The following PPM1H variants were observed in gnomAD, a reference collection of about 807,000 sequenced individuals.
The protein encoded by PPM1H is protein phosphatase, Mg2+/Mn2+ dependent 1H.
Under a neutral mutation model 54.9 loss-of-function variants are expected in PPM1H, and 27 were observed. That is an observed-to-expected ratio of 0.49 (90% CI 0.36 to 0.68). The LOEUF is 0.68. PPM1H is among the 30% of genes least tolerant of loss of function. The pLI is 0.00. For missense variants in PPM1H, 596 were observed against 667.8 expected (o/e 0.89, Z 1.19); for synonymous variants, 305 against 270.8 (o/e 1.13, Z -1.24).
At chr12:62,838,334 T>TGGG (rs1390428033) in intron 1 of PPM1H, among the ~76,000 whole-genome samples, 19 of 94,376 alleles carry the variant, frequency 2.0e-4, no homozygotes, top group Admixed American at 2.9e-4. Context: ...AGTGTGTGTG[T>TGGG]GTGTGGGGGG....
intron 7 of PPM1H, among the ~76,000 whole-genome samples, chr12:62,693,612 G>T (rs1235463538): frequency 2.0e-5 from 3 of 152,228 alleles, no homozygotes; most frequent in Non-Finnish European, 4.4e-5. Context: ...CTTGCTCGTT[G>T]TCAGATATAA....
chr12:62,717,652 C>T (rs2076242890), intron 6 of PPM1H, among the ~76,000 whole-genome samples: 1 of 151,340 alleles, frequency 6.6e-6, no homozygotes, highest in East Asian at 1.9e-4. Flanking sequence ...AATGTACAAG[C>T]CACTAAAAAC....
chr12:62,926,876 C>T (rs1028076552), intron 1 of PPM1H, among the ~76,000 whole-genome samples: 9 of 152,178 alleles, frequency 5.9e-5, no homozygotes, highest in African/African-American at 2.2e-4. Context: ...ACTGCTTGCA[C>T]CCGGGAGGCG....
intron 5 of PPM1H, among the ~76,000 whole-genome samples, chr12:62,725,525 T>C (rs1391786812): frequency 6.6e-6 from 1 of 152,206 alleles, no homozygotes; most frequent in Admixed American, 6.5e-5. Context: ...CTTTATCCAA[T>C]TATATTTCTC....
chr12:62,862,820 C>T (rs1402171440), intron 1 of PPM1H, among the ~76,000 whole-genome samples: 2 of 152,268 alleles, frequency 1.3e-5, no homozygotes, highest in Non-Finnish European at 2.9e-5. Flanking sequence ...TATAGTAAAA[C>T]ACCAATTTAT....
intron 1 of PPM1H, among the ~76,000 whole-genome samples, chr12:62,930,439 C>T (rs542683734): frequency 3.3e-5 from 5 of 152,144 alleles, no homozygotes; most frequent in African/African-American, 1.2e-4. Context: ...CTGATAAAAA[C>T]CTGAATATGA....
chr12:62,823,201 T>A (rs1381051713), intron 2 of PPM1H, among the ~76,000 whole-genome samples: 2 of 152,104 alleles, frequency 1.3e-5, no homozygotes, highest in African/African-American at 4.8e-5. Context: ...TGGGAAGAAG[T>A]TGACTCTCTG....
At chr12:62,822,311 A>T (rs1219015409) in intron 2 of PPM1H, among the ~76,000 whole-genome samples, 3 of 152,206 alleles carry the variant, frequency 2.0e-5, no homozygotes, top group Admixed American at 6.5e-5. Flanking sequence ...ATAATGGGAG[A>T]CTTTAACACC....
intron 2 of PPM1H, among the ~76,000 whole-genome samples, chr12:62,829,858 T>C (rs1420546145): frequency 1.3e-5 from 2 of 152,266 alleles, no homozygotes; most frequent in Non-Finnish European, 2.9e-5. Context: ...CAACACTGAC[T>C]GATTTTTACA....
At chr12:62,928,741 T>A (rs1872046835) in intron 1 of PPM1H, among the ~76,000 whole-genome samples, 1 of 152,228 alleles carries the variant, frequency 6.6e-6, no homozygotes, top group Admixed American at 6.5e-5. Flanking sequence ...TACAAGTCTT[T>A]GGTCTGCTTT....
At chr12:62,683,057 ATTATTATTATTAT>A (rs2076030885) in intron 8 of PPM1H, among the ~76,000 whole-genome samples, 1 of 144,708 alleles carries the variant, frequency 6.9e-6, no homozygotes, top group Non-Finnish European at 1.5e-5. Context: ...TATTATTATT[ATTATTATTATTAT>A]TATTATTATT....
rs1179879476 is a variant in PPM1H, at chr12:62,844,381, T to C, written c.246-12102A>G. 6.6e-6 allele frequency among the ~76,000 whole-genome samples: 1 copy of C among 152,158 alleles called. No homozygotes were observed. Among genetic ancestry groups the C allele is most frequent in the Non-Finnish European group, 1.5e-5 (1 of 68,026 alleles). ...AATGTTCTGAGGGGCAAGGGGGGCGTCTTATCTCTGATGCTGCTTCTTCAT... is the reference window on the plus strand; with the variant it reads ...AATGTTCTGAGGGGCAAGGGGGGCGCCTTATCTCTGATGCTGCTTCTTCAT... On this transcript the variant is annotated intron_variant, in intron 1 of 9. Transcript: ENST00000228705. This position sits in a 1 kb window ranked among gnomAD's most constrained non-coding sequence, Gnocchi z 5.2.
At chr12:62,721,997 G>A (rs2076266743) in intron 5 of PPM1H, among the ~76,000 whole-genome samples, 1 of 152,094 alleles carries the variant, frequency 6.6e-6, no homozygotes. Flanking sequence ...GAAACAGGGA[G>A]CCTGTGTTCA....
At chr12:62,830,682 A>G (rs1045568105) in intron 2 of PPM1H, among the ~76,000 whole-genome samples, 5 of 152,132 alleles carry the variant, frequency 3.3e-5, no homozygotes, top group African/African-American at 1.2e-4. Flanking sequence ...TCACCATTCT[A>G]TACTGCCCAT....
chr12:62,665,295 C>T (rs546267557), intron 9 of PPM1H, among the ~76,000 whole-genome samples: 13 of 152,092 alleles, frequency 8.5e-5, no homozygotes, highest in Non-Finnish European at 1.8e-4. Flanking sequence ...GTGATCTGCC[C>T]GCCTCCACCT....
At chr12:62,731,932 AC>A (rs2076323254) in intron 5 of PPM1H, among the ~76,000 whole-genome samples, 1 of 152,158 alleles carries the variant, frequency 6.6e-6, no homozygotes, top group Non-Finnish European at 1.5e-5. Context: ...CAGTATCAGA[AC>A]AGTAAAATCT....
At chr12:62,716,606 A>G (rs1021639039) in intron 6 of PPM1H, among the ~76,000 whole-genome samples, 12 of 152,242 alleles carry the variant, frequency 7.9e-5, no homozygotes, top group Non-Finnish European at 1.6e-4. Context: ...GGCTTGCTGC[A>G]GTCTCAACCT....
intron 6 of PPM1H, among the ~76,000 whole-genome samples, chr12:62,709,763 G>T (rs1555190673): frequency 6.6e-6 from 1 of 152,182 alleles, no homozygotes; most frequent in Non-Finnish European, 1.5e-5. Flanking sequence ...AAGGTGAAAT[G>T]ATATTGTTCA....
At chr12:62,730,337 G>C (rs2076314520) in intron 5 of PPM1H, among the ~76,000 whole-genome samples, 1 of 152,154 alleles carries the variant, frequency 6.6e-6, no homozygotes, top group African/African-American at 2.4e-5. Flanking sequence ...ACGCATTTCT[G>C]TTAGGTACAC....
Sources: allele counts gnomAD v4.1 joint callset (sites outside exome capture counted in the v4.1 genomes callset), GRCh38; gene constraint gnomAD v4.1.1; non-coding constraint Gnocchi (gnomAD v3.1); transcripts MANE v1.5; gene names NCBI Gene and HGNC (gene_info 2026-07-23, HGNC 2026-07-21).